Variants in TERF2 observed in about 807,000 individuals in gnomAD.
TERF2 encodes the protein telomeric repeat binding factor 2, also known as telomeric repeat-binding factor 2.
A neutral mutation model predicts 56.1 loss-of-function variants in TERF2; 16 were observed. That is an observed-to-expected ratio of 0.29 (90% CI 0.19 to 0.43). The LOEUF (loss-of-function observed/expected upper bound fraction) is 0.43, where lower values mean the gene tolerates loss of function less well. TERF2 is among the 20% of genes least tolerant of loss of function. TERF2 has a pLI of 1.00. For synonymous variants in TERF2, 296 were observed against 282.1 expected (o/e 1.05, Z -0.50); for missense variants, 547 against 712.9 (o/e 0.77, Z 2.65).
At chr16:69,376,973 G>A (rs1322619203) in intron 3 of TERF2, among the ~76,000 whole-genome samples, 1 of 152,006 alleles carries the variant, frequency 6.6e-6, no homozygotes, top group Non-Finnish European at 1.5e-5. Flanking sequence ...GGCCGACGCA[G>A]GCGGATTGCC....
At chr16:69,381,189 T>C (rs937243601) in intron 3 of TERF2, among the ~76,000 whole-genome samples, 6 of 152,224 alleles carry the variant, frequency 3.9e-5, no homozygotes, top group African/African-American at 1.4e-4. Flanking sequence ...AGCACATGAA[T>C]ACAAGTTTTC....
Position 69,370,394 on chromosome 16 carries a change from A to G in TERF2, c.840+89T>C, listed in dbSNP as rs1379631149. The G allele has an allele frequency of 2.0e-6, 3 of 1,511,260 alleles. No individual in the cohort carries two copies. The African/African-American group carries it at 4.2e-5, about 21-fold the overall frequency. 93.6% of individuals were successfully genotyped at this position (1,511,260 alleles called of 1,614,324 possible). A position where few individuals can be genotyped will look rare whatever the true frequency, so the allele number is the denominator to read the frequency against. ...GTGCATACAATTCAATGTCTTTTTC[A>G]CACATCAACTCTTTTCACTTCAGAT... On this transcript the variant is annotated intron_variant, in intron 5 of 9. Coordinates refer to ENST00000254942, the MANE Select transcript of TERF2 (RefSeq NM_005652.5).
At chr16:69,382,857 G>C (rs1462093478) in intron 3 of TERF2, among the ~76,000 whole-genome samples, 1 of 152,184 alleles carries the variant, frequency 6.6e-6, no homozygotes, top group Non-Finnish European at 1.5e-5. Context: ...CTCGGAAACT[G>C]AAAGATAATA....
At chr16:69,384,342 G>A (rs567071454) in intron 3 of TERF2, among the ~76,000 whole-genome samples, 1 of 152,180 alleles carries the variant, frequency 6.6e-6, no homozygotes, top group East Asian at 1.9e-4. Context: ...GAGCTTCAAT[G>A]CCAAAGCCAC....
intron 6 of TERF2, 32 bp from the exon 7 acceptor site, chr16:69,367,231 T>C (rs1220939924): frequency 1.9e-6 from 3 of 1,566,800 alleles, no homozygotes; most frequent in South Asian, 1.2e-5. Flanking sequence ...AAAGATGTTT[T>C]TCACCACTGA....
At chr16:69,360,197 C>T (rs2013080366) in intron 8 of TERF2, among the ~76,000 whole-genome samples, 1 of 151,760 alleles carries the variant, frequency 6.6e-6, no homozygotes, top group South Asian at 2.1e-4. Flanking sequence ...GAGCAGCCTG[C>T]CCAACATGGT....
intron 4 of TERF2, 95 bp downstream of exon 4, chr16:69,372,174 A>T: frequency 2.6e-6 from 2 of 783,140 alleles, no homozygotes; most frequent in Non-Finnish European, 4.1e-6. Context: ...GAGAATATTT[A>T]AGTAATATTC....
rs1188588711 is a variant in TERF2, at chr16:69,370,323, G to A, written c.840+160C>T. ...TGGGATTACAGGCGTGAGCCATTGC[G>A]CCTGGCCTGCTTTTGCATTTTTAAG... On this transcript the variant is annotated intron_variant, in intron 5 of 9. Coordinates refer to ENST00000254942, the MANE Select transcript of TERF2 (RefSeq NM_005652.5). 31 of 1,023,546 alleles carry A rather than the reference G, an allele frequency of 3.0e-5. 1 individual carries two copies. In the South Asian group the frequency reaches 3.5e-4, roughly 11 times the overall value. 63.4% of individuals were successfully genotyped at this position (1,023,546 alleles called of 1,614,324 possible).
At chr16:69,383,263 T>A (rs1429016068) in intron 3 of TERF2, among the ~76,000 whole-genome samples, 1 of 152,160 alleles carries the variant, frequency 6.6e-6, no homozygotes, top group African/African-American at 2.4e-5. Flanking sequence ...AGTTTCAGAT[T>A]TGAGGGCATT....
intron 3 of TERF2, among the ~76,000 whole-genome samples, chr16:69,382,911 T>A (rs1017323517): frequency 6.6e-6 from 1 of 152,212 alleles, no homozygotes; most frequent in Non-Finnish European, 1.5e-5. Context: ...CTTGTTACAC[T>A]GCAGTAACAA....
At chr16:69,368,672 A>G in intron 5 of TERF2, 190 bp from the exon 6 acceptor site, 1 of 1,434,718 alleles carries the variant, frequency 7.0e-7, no homozygotes. Flanking sequence ...ATTCAAACTT[A>G]AGATAACTAA....
At chr16:69,385,061 G>A (rs1261511522) in intron 2 of TERF2, among the ~76,000 whole-genome samples, 1 of 152,130 alleles carries the variant, frequency 6.6e-6, no homozygotes, top group Non-Finnish European at 1.5e-5. Flanking sequence ...GGGGAAAAAT[G>A]TCAGAGTACT....
intron 3 of TERF2, 37 bp downstream of exon 3, chr16:69,384,543 T>C (rs748926467): frequency 3.1e-6 from 5 of 1,603,934 alleles, no homozygotes; most frequent in Admixed American, 1.7e-5. Flanking sequence ...CCCTTGATTT[T>C]TGGTCAAAGA....
intron 3 of TERF2, among the ~76,000 whole-genome samples, chr16:69,373,184 G>T (rs559707250): frequency 4.1e-4 from 63 of 152,238 alleles, no homozygotes; most frequent in African/African-American, 1.3e-3. Context: ...ATAAACCCCA[G>T]CTGGCAACTT....
intron 6 of TERF2, among the ~76,000 whole-genome samples, chr16:69,368,151 A>C (rs976330722): frequency 2.0e-5 from 3 of 152,226 alleles, no homozygotes; most frequent in Admixed American, 6.5e-5. Context: ...AAATGGTGAA[A>C]GAGCCTTTGA....
At position 69,361,487 on chromosome 16, in the gene TERF2, A is replaced by T; in HGVS notation, c.1343T>A (p.Val448Glu). 1 of 1,610,904 alleles carries T rather than the reference A, an allele frequency of 6.2e-7. No individual in the cohort carries two copies. Among genetic ancestry groups the T allele is most frequent in the Non-Finnish European group, 8.5e-7 (1 of 1,177,128 alleles). Residue 448 changes from valine to glutamate, a missense_variant and splice_region_variant, in exon 8 of 10, where the codon GTA becomes GAA. Val to Glu is a moderately radical substitution (Grantham distance 121, BLOSUM62 -2). Coordinates refer to ENST00000254942, the MANE Select transcript of TERF2 (RefSeq NM_005652.5). ...AGAGCTGTTCCACTTGCCTTTGGGT[A>T]CTCTGAGGGGAGATCAAGGAGAGCA... The part of the protein sequence containing the change: ...QPLPGEKNPK[V>E]PKGKWNSSNG...
chr16:69,370,292 A>T, intron 5 of TERF2, 191 bp downstream of exon 5: 1 of 723,138 alleles, frequency 1.4e-6, no homozygotes, highest in Non-Finnish European at 2.1e-6. Context: ...GGGCCTCCCA[A>T]AGTGCTGGGA....
chr16:69,368,185 C>A (rs955476164), intron 6 of TERF2, among the ~76,000 whole-genome samples, 191 bp downstream of exon 6: 4 of 152,208 alleles, frequency 2.6e-5, no homozygotes, highest in African/African-American at 9.6e-5. Context: ...AGGAAGTTGT[C>A]AGGGACCCCA....
Position 69,368,397 on chromosome 16 carries a change from T to C in TERF2, c.926A>G (p.Lys309Arg). 1 of 1,613,956 alleles carries C rather than the reference T, an allele frequency of 6.2e-7. No individual in the cohort carries two copies. Residue 309 changes from lysine (K) to arginine (R), a missense_variant, in exon 6 of 10, where the codon AAG becomes AGG. Physicochemically the swap from Lys to Arg is conservative, Grantham distance 26. Coordinates refer to ENST00000254942, the MANE Select transcript of TERF2 (RefSeq NM_005652.5). ...TTACCTTGCGGGTTCTCTGGGTGGC[T>C]TTTCCACAGGCCCTGGTGCTGGCTG... ...DKQPAPGPVE[K>R]PPREPARQLR...
Sources: allele counts gnomAD v4.1 joint callset (sites outside exome capture counted in the v4.1 genomes callset), GRCh38; gene constraint gnomAD v4.1.1; transcripts MANE v1.5; gene names NCBI Gene and HGNC (gene_info 2026-07-23, HGNC 2026-07-21).